Variants in RIMBP2 observed in about 807,000 individuals in gnomAD.
RIMBP2 encodes the protein RIMS binding protein 2.
RIMBP2 carries 48 observed loss-of-function variants against 118.6 expected under a neutral mutation model. The observed-to-expected ratio is 0.40, with a 90% CI of 0.32 to 0.51. The LOEUF (loss-of-function observed/expected upper bound fraction) is 0.51, where lower values mean the gene tolerates loss of function less well. RIMBP2 is among the 20% of genes least tolerant of loss of function. RIMBP2 has a pLI of 0.41. For missense variants in RIMBP2, 1,551 were observed against 1,768.3 expected, an observed-to-expected ratio of 0.88 and a Z score of 2.20; for synonymous variants, 762 against 742.9, an observed-to-expected ratio of 1.03 and a Z score of -0.42.
At chr12:130,664,384 C>CACAT (rs1202116282) in intron 1 of RIMBP2, among the ~76,000 whole-genome samples, 2 of 109,360 alleles carry the variant, frequency 1.8e-5, no homozygotes, top group Non-Finnish European at 4.4e-5. Flanking sequence ...TGCACGCACG[C>CACAT]GCATGCACAC....
intron 11 of RIMBP2, among the ~76,000 whole-genome samples, chr12:130,438,900 C>T (rs548080025): frequency 3.3e-5 from 5 of 152,202 alleles, no homozygotes; most frequent in East Asian, 3.9e-4. Flanking sequence ...GAGGGGCCAA[C>T]GAGACGCCGG....
At chr12:130,407,202 A>C (rs932930951) in intron 20 of RIMBP2, among the ~76,000 whole-genome samples, 4 of 152,220 alleles carry the variant, frequency 2.6e-5, no homozygotes, top group Non-Finnish European at 1.5e-5. Flanking sequence ...GTTCACATAC[A>C]TCTTGTCATC....
intron 7 of RIMBP2, among the ~76,000 whole-genome samples, chr12:130,456,033 C>T (rs1045830156): frequency 3.9e-5 from 6 of 152,262 alleles, no homozygotes; most frequent in African/African-American, 1.2e-4. Flanking sequence ...CAAGCACGTC[C>T]CAACATCACC....
Position 130,683,175 on chromosome 12 carries a change from G to A in RIMBP2, c.-352+33047C>T, listed in dbSNP as rs1820752748. 6.6e-6 allele frequency among the ~76,000 whole-genome samples: 1 copy of A among 152,164 alleles called. No homozygotes were observed. Among genetic ancestry groups the A allele is most frequent in the Admixed American group, 6.5e-5 (1 of 15,268 alleles). On this transcript the variant is annotated intron_variant, in intron 1 of 22. Transcript: ENST00000690449. This position sits in a 1 kb window ranked among gnomAD's most constrained non-coding sequence, Gnocchi z 4.4. Reference sequence around the variant, plus strand: ...GGGGTGGACCCTCCATCTGATGAGAGTGTCCACATAAGAGGTAGAAAAGGA... The same window carrying A: ...GGGGTGGACCCTCCATCTGATGAGAATGTCCACATAAGAGGTAGAAAAGGA...
chr12:130,663,701 G>C lies in RIMBP2; in HGVS notation c.-351-35245C>G, dbSNP rs1185061229. Among the ~76,000 whole-genome samples the C allele has an allele frequency of 1.3e-5, 2 of 151,778 alleles. 1 individual carries two copies. Among genetic ancestry groups the C allele is most frequent in the African/African-American group, 4.9e-5 (2 of 41,032 alleles). On this transcript the variant is annotated intron_variant, in intron 1 of 22. Transcript: ENST00000690449. The stretch of plus-strand genomic sequence containing the variant: ...TGGGTGTCCCCAGACGCCTCTGAGT[G>C]GGGTAGGAGTCAGAACGGAACTTCC...
intron 17 of RIMBP2, chr12:130,414,524 C>T (rs561474887): frequency 7.1e-6 from 3 of 425,448 alleles, no homozygotes; most frequent in South Asian, 7.5e-5. Context: ...GGCCACACTG[C>T]ATGTGAAAGC....
At chr12:130,700,583 G>T (rs1470227470) in intron 1 of RIMBP2, among the ~76,000 whole-genome samples, 2 of 152,204 alleles carry the variant, frequency 1.3e-5, no homozygotes, top group Admixed American at 1.3e-4. Flanking sequence ...GCAGAGGTGG[G>T]GGCAGGGGGC....
At chr12:130,532,273 A>ACG (rs1566209124) in intron 2 of RIMBP2, among the ~76,000 whole-genome samples, 6 of 81,722 alleles carry the variant, frequency 7.3e-5, no homozygotes, top group Admixed American at 2.8e-4. Context: ...TGAGATGCGT[A>ACG]TGTTTAGCCT....
intron 1 of RIMBP2, among the ~76,000 whole-genome samples, chr12:130,639,659 G>T (rs886491348): frequency 6.6e-6 from 1 of 151,078 alleles, no homozygotes; most frequent in Non-Finnish European, 1.5e-5. Context: ...ATTCAGATGA[G>T]TCTGGGCAGC....
chr12:130,611,800 AC>A, intron 2 of RIMBP2, among the ~76,000 whole-genome samples: 1 of 152,178 alleles, frequency 6.6e-6, no homozygotes, highest in African/African-American at 2.4e-5. Context: ...ACCCATGTCG[AC>A]CCATGAAACC....
In RIMBP2 at chr12:130,646,567, C is replaced by A. The variant is rs1048575030; in HGVS notation, c.-351-18111G>T. Among the ~76,000 whole-genome samples the A allele has an allele frequency of 4.6e-5, 7 of 152,314 alleles. No individual in the cohort carries two copies. The South Asian group carries it at 1.2e-3, about 27-fold the overall frequency. The stretch of plus-strand genomic sequence containing the variant: ...GGTCCTGTTTTCAGATGCTTTCTTG[C>A]CCCAATCCAAGGTCGCAAGCACACG... On this transcript the variant is annotated intron_variant, in intron 1 of 22. Transcript: ENST00000690449.
rs185432908 is a variant in RIMBP2, at chr12:130,637,111, T to C, written c.-351-8655A>G. On this transcript the variant is annotated intron_variant, in intron 1 of 22. Coordinates refer to ENST00000690449, the MANE Select transcript of RIMBP2 (RefSeq NM_001393629.1). ...GCAGTATATATAGAAAATTCCACAC[T>C]CCACAGCCATCGAATCTTTGCACTG... Among the ~76,000 whole-genome samples, 439 of 152,326 alleles carry C rather than the reference T, an allele frequency of 2.9e-3. 2 individuals carry two copies. The highest frequency in any genetic ancestry group is 4.3e-3 in the Non-Finnish European group (295 of 68,026).
At chr12:130,594,578 T>C (rs2059447724) in intron 2 of RIMBP2, among the ~76,000 whole-genome samples, 1 of 152,090 alleles carries the variant, frequency 6.6e-6, no homozygotes, top group African/African-American at 2.4e-5. Context: ...TGCAAAAAAA[T>C]CTCATAGTGT....
chr12:130,402,653 G>A (rs1008669121), intron 21 of RIMBP2, among the ~76,000 whole-genome samples: 1 of 152,124 alleles, frequency 6.6e-6, no homozygotes, highest in African/African-American at 2.4e-5. Context: ...CTCTATTTGC[G>A]GCCAAACAGT....
At chr12:130,531,232 A>G (rs566012311) in intron 2 of RIMBP2, among the ~76,000 whole-genome samples, 2 of 152,324 alleles carry the variant, frequency 1.3e-5, no homozygotes, top group African/African-American at 2.4e-5. Flanking sequence ...TCATAGGTGT[A>G]CAACTCCATT....
At chr12:130,536,691 T>G (rs543562637) in intron 2 of RIMBP2, among the ~76,000 whole-genome samples, 1 of 152,352 alleles carries the variant, frequency 6.6e-6, no homozygotes, top group South Asian at 2.1e-4. Flanking sequence ...ATTTTAAGTT[T>G]AATTTAAGTC....
intron 1 of RIMBP2, among the ~76,000 whole-genome samples, chr12:130,679,697 T>C (rs969957243): frequency 1.4e-4 from 22 of 152,216 alleles, no homozygotes; most frequent in Non-Finnish European, 3.1e-4. Flanking sequence ...ACAAAAATAC[T>C]TCACCCTCCC....
intron 2 of RIMBP2, among the ~76,000 whole-genome samples, chr12:130,570,296 T>C (rs753281951): frequency 6.6e-6 from 1 of 151,994 alleles, no homozygotes; most frequent in African/African-American, 2.4e-5. Flanking sequence ...TATGGTGGCT[T>C]GCACCCGAAG....
chr12:130,618,711 C>G (rs34962571), intron 2 of RIMBP2, among the ~76,000 whole-genome samples: 1 of 152,074 alleles, frequency 6.6e-6, no homozygotes, highest in Non-Finnish European at 1.5e-5. Flanking sequence ...AGTGCCTAGA[C>G]GGAAACATCT....
Sources: allele counts gnomAD v4.1 joint callset (sites outside exome capture counted in the v4.1 genomes callset), GRCh38; gene constraint gnomAD v4.1.1; non-coding constraint Gnocchi (gnomAD v3.1); transcripts MANE v1.5; gene names NCBI Gene and HGNC (gene_info 2026-07-23, HGNC 2026-07-21).